The following PRKAR1A variants were observed in gnomAD, a reference collection of about 807,000 sequenced individuals.
PRKAR1A encodes protein kinase cAMP-dependent type I regulatory subunit alpha.
Under a neutral mutation model 52.0 loss-of-function variants are expected in PRKAR1A, and 3 were observed. The observed-to-expected ratio is 0.06, with a 90% CI of 0.03 to 0.15. The LOEUF (loss-of-function observed/expected upper bound fraction) is 0.15. Among genes scored for constraint, PRKAR1A ranks in the 10% least tolerant of loss-of-function variants. The pLI, the probability that PRKAR1A is intolerant of heterozygous loss-of-function variation, is 1.00. For missense variants in PRKAR1A, 240 were observed against 477.4 expected, an observed-to-expected ratio of 0.50 and a Z score of 4.63; for synonymous variants, 188 against 168.4, an observed-to-expected ratio of 1.12 and a Z score of -0.90.
chr17:68,505,780 A>G, the PRKAR1A span, among the ~76,000 whole-genome samples: 1 of 152,210 alleles, frequency 6.6e-6, no homozygotes, highest in South Asian at 2.1e-4. Context: ...AGATTGTGCC[A>G]CTGCACTCCA....
At chr17:68,471,535 C>A in the PRKAR1A span, among the ~76,000 whole-genome samples, 1 of 152,180 alleles carries the variant, frequency 6.6e-6, no homozygotes, top group Non-Finnish European at 1.5e-5. Flanking sequence ...ACTCTCACAG[C>A]CAATTCAAAA....
the PRKAR1A span, among the ~76,000 whole-genome samples, chr17:68,431,481 CAGG>C: frequency 6.6e-6 from 1 of 151,860 alleles, no homozygotes; most frequent in East Asian, 1.9e-4. Flanking sequence ...AGGTCTGACT[CAGG>C]GGGACGGGAG....
At chr17:68,520,642 A>G (rs1309647357) in intron 2 of PRKAR1A, among the ~76,000 whole-genome samples, 3 of 152,110 alleles carry the variant, frequency 2.0e-5, no homozygotes, top group Non-Finnish European at 4.4e-5. Flanking sequence ...ATAAAAATAT[A>G]TCATAGTATA....
chr17:68,421,875 A>T, the PRKAR1A span: 1 of 1,610,660 alleles, frequency 6.2e-7, no homozygotes, highest in Admixed American at 1.7e-5. Flanking sequence ...GCTGGTAGGC[A>T]GGTGCATTAT....
At chr17:68,436,860 G>A in the PRKAR1A span, among the ~76,000 whole-genome samples, 4 of 152,110 alleles carry the variant, frequency 2.6e-5, no homozygotes, top group Non-Finnish European at 5.9e-5. Context: ...TGGGCATGGT[G>A]GTGCGTGCCT....
At position 68,522,840 on chromosome 17, in the gene PRKAR1A, A is replaced by G; in HGVS notation, c.262A>G (p.Asn88Asp). The G allele has an allele frequency of 6.2e-7, 1 of 1,614,018 alleles. No homozygotes were observed. Among genetic ancestry groups the G allele is most frequent in the Non-Finnish European group, 8.5e-7 (1 of 1,179,910 alleles). ...REDEISPPPP[N>D]PVVKGRRRRG... ...GGATGAGATTTCTCCTCCTCCACCCAACCCAGTGGTTAAAGGTAGGAGGCG... is the reference window on the plus strand; with the variant it reads ...GGATGAGATTTCTCCTCCTCCACCCGACCCAGTGGTTAAAGGTAGGAGGCG... The change falls in exon 3 of 11, where the codon AAC becomes GAC. Residue 88 changes from asparagine to aspartate, a missense_variant. By Grantham distance (23) the Asn-to-Asp change is conservative. Around this residue, in one of 4 missense-constraint regions of PRKAR1A, gnomAD observed 107 missense variants for 114.6 expected, o/e 0.93. Transcript: ENST00000589228.
intron 4 of PRKAR1A, 89 bp from the exon 5 acceptor site, chr17:68,523,925 GAC>G (rs752719817): frequency 1.5e-5 from 24 of 1,572,110 alleles, no homozygotes; most frequent in Non-Finnish European, 2.1e-5. Flanking sequence ...TTCACCAGAT[GAC>G]AGTCTGGGGT....
At chr17:68,431,296 T>C in the PRKAR1A span, among the ~76,000 whole-genome samples, 2 of 152,048 alleles carry the variant, frequency 1.3e-5, no homozygotes, top group Non-Finnish European at 2.9e-5. Context: ...ATTTCCTCAT[T>C]TGGGAAACAG....
At chr17:68,419,960 A>T in the PRKAR1A span, among the ~76,000 whole-genome samples, 1 of 152,224 alleles carries the variant, frequency 6.6e-6, no homozygotes, top group Admixed American at 6.5e-5. Flanking sequence ...CCCTGCCTCA[A>T]AAAACAAAAA....
At chr17:68,483,198 G>A in the PRKAR1A span, among the ~76,000 whole-genome samples, 186 of 151,828 alleles carry the variant, frequency 1.2e-3, 2 homozygotes, top group African/African-American at 4.4e-3. Context: ...CTCCAGCACC[G>A]GGCCAGGCGC....
At chr17:68,488,520 G>C in the PRKAR1A span, among the ~76,000 whole-genome samples, 1 of 151,916 alleles carries the variant, frequency 6.6e-6, no homozygotes, top group African/African-American at 2.4e-5. Context: ...TTGAGGTCAG[G>C]AGTTCCAGAC....
At chr17:68,540,728 G>T (rs771665872) in intron 11 of PRKAR1A, 1 of 1,228,126 alleles carries the variant, frequency 8.1e-7, no homozygotes, top group Non-Finnish European at 1.2e-6. Context: ...CTGAGGCTGT[G>T]GGAGGTGCAG....
At chr17:68,485,593 C>T in the PRKAR1A span, among the ~76,000 whole-genome samples, 1 of 152,072 alleles carries the variant, frequency 6.6e-6, no homozygotes, top group African/African-American at 2.4e-5. Flanking sequence ...GAAGAGACTC[C>T]GTTTTACATC....
rs145825849 is a variant in PRKAR1A at position 68,542,056 on chromosome 17, G to A, written c.974-9028G>A. 4.2e-5 allele frequency: 68 copies of A among 1,614,178 alleles called. No individual in the cohort carries two copies. In the African/African-American group the frequency reaches 8.7e-4, roughly 21 times the overall value. On this transcript the variant is annotated intron_variant, in intron 11 of 11. Coordinates refer to the PRKAR1A transcript ENST00000585981. Reference sequence around the variant, plus strand: ...CAGACAGCCTGGGGGCCAGGTTGAGGGACGGCAGGAAGGCAGAGAGGGAAC... The same window carrying A: ...CAGACAGCCTGGGGGCCAGGTTGAGAGACGGCAGGAAGGCAGAGAGGGAAC...
chr17:68,513,357 A>G (rs1192022455), intron 1 of PRKAR1A: 5 of 152,330 alleles, frequency 3.3e-5, no homozygotes, highest in Non-Finnish European at 5.9e-5. Flanking sequence ...TCTTTTTAGC[A>G]GAGCGAGGAA....
At chr17:68,517,570 A>G (rs974064650) in intron 2 of PRKAR1A, among the ~76,000 whole-genome samples, 4 of 152,208 alleles carry the variant, frequency 2.6e-5, no homozygotes, top group Non-Finnish European at 4.4e-5. Context: ...CTCACTCACT[A>G]TCATGATAAC....
chr17:68,478,797 G>A, the PRKAR1A span, among the ~76,000 whole-genome samples: 14 of 151,218 alleles, frequency 9.3e-5, no homozygotes, highest in African/African-American at 1.9e-4. Flanking sequence ...GCACGATCTC[G>A]GCTCACTGCA....
chr17:68,489,270 A>ATATATATATATATGGAAAG, the PRKAR1A span, among the ~76,000 whole-genome samples: 2 of 15,234 alleles, frequency 1.3e-4, 1 homozygote, highest in South Asian at 4.2e-3. Flanking sequence ...TGGAAAGTAT[A>ATATATATATATATGGAAAG]TATATATATA....
Position 68,530,907 on chromosome 17 carries a change from G to A in PRKAR1A, c.*458G>A, listed in dbSNP as rs1466984239. The A allele has an allele frequency of 9.0e-7, 1 of 1,114,150 alleles. No individual in the cohort carries two copies. Among genetic ancestry groups the A allele is most frequent in the Non-Finnish European group, 1.1e-6 (1 of 907,282 alleles). 69.0% of individuals were successfully genotyped at this position (1,114,150 alleles called of 1,614,324 possible). On this transcript the variant is annotated 3_prime_UTR_variant, in exon 11 of 11. Coordinates refer to ENST00000589228, the MANE Select transcript of PRKAR1A (RefSeq NM_002734.5). ...GTTTCTCATTAAACTCTAAAGATTA[G>A]GGAAAATGGATATAGAAAATCTTAG...
Sources: gnomAD v4.1 joint callset for allele counts (sites outside exome capture counted in the v4.1 genomes callset) on GRCh38, gnomAD v4.1.1 for gene constraint, gnomAD v4.1.1 regional missense constraint, MANE v1.5 for transcripts, NCBI Gene and HGNC (gene_info 2026-07-23, HGNC 2026-07-21) for gene names.